The following FNDC3A variants were observed in gnomAD, a reference collection of about 807,000 sequenced individuals.
FNDC3A encodes the protein fibronectin type III domain containing 3A.
In FNDC3A, 32 loss-of-function variants were observed where a neutral mutation model predicts 148.9. The ratio of observed to expected loss-of-function variants is 0.21; its 90% CI spans 0.16 to 0.29. FNDC3A has a LOEUF of 0.29. Among genes scored for constraint, FNDC3A ranks in the 10% least tolerant of loss-of-function variants. The pLI, the probability that FNDC3A is intolerant of heterozygous loss-of-function variation, is 1.00. For synonymous variants in FNDC3A, 472 were observed against 473.6 expected (o/e 1.00, Z 0.04); for missense variants, 1,191 against 1,452.8 (o/e 0.82, Z 2.93).
chr13:49,030,923 A>G (rs1198644183), intron 2 of FNDC3A, among the ~76,000 whole-genome samples: 2 of 152,226 alleles, frequency 1.3e-5, no homozygotes, highest in African/African-American at 2.4e-5. Flanking sequence ...AAGGTGAAAT[A>G]CTGCCAAATT....
At chr13:49,162,436 GTGCCA>G (rs1332288582) in intron 8 of FNDC3A, among the ~76,000 whole-genome samples, 1 of 152,022 alleles carries the variant, frequency 6.6e-6, no homozygotes, top group East Asian at 1.9e-4. Flanking sequence ...CGTAGTTCTC[GTGCCA>G]TGGTTTTCAG....
intron 3 of FNDC3A, among the ~76,000 whole-genome samples, chr13:49,083,951 G>A (rs1184452619): frequency 6.6e-6 from 1 of 152,148 alleles, no homozygotes; most frequent in East Asian, 1.9e-4. Flanking sequence ...GTTCTCTTTA[G>A]TTACTTCTGG....
chr13:49,064,411 C>A (rs76419049), intron 2 of FNDC3A, among the ~76,000 whole-genome samples: 1,032 of 89,994 alleles, frequency 0.011, 10 homozygotes, highest in East Asian at 0.024. Context: ...GCCCCCCCCC[C>A]AAAAAAAAAA....
At chr13:49,055,679 A>G (rs570073605) in intron 2 of FNDC3A, among the ~76,000 whole-genome samples, 45 of 152,246 alleles carry the variant, frequency 3.0e-4, no homozygotes, top group African/African-American at 1.0e-3. Flanking sequence ...ATCTACATAT[A>G]ACCTGGAAGC....
intron 4 of FNDC3A, among the ~76,000 whole-genome samples, chr13:49,116,082 A>T (rs1287018083): frequency 1.3e-5 from 2 of 152,210 alleles, no homozygotes; most frequent in African/African-American, 2.4e-5. Context: ...TGATAAAAAG[A>T]TGATTAAGAC....
chr13:49,116,884 T>C (rs189493611), intron 4 of FNDC3A, among the ~76,000 whole-genome samples: 14 of 152,188 alleles, frequency 9.2e-5, no homozygotes, highest in Non-Finnish European at 1.2e-4. Context: ...GAGCCAAGTC[T>C]TGAAGGACAG....
At chr13:49,076,414 T>G (rs567536481) in intron 3 of FNDC3A, among the ~76,000 whole-genome samples, 1 of 152,064 alleles carries the variant, frequency 6.6e-6, no homozygotes, top group African/African-American at 2.4e-5. Context: ...CTGGCTAATT[T>G]TTGTACTTTT....
chr13:49,183,657 G>A (rs1336972746), intron 14 of FNDC3A, among the ~76,000 whole-genome samples: 1 of 152,166 alleles, frequency 6.6e-6, no homozygotes, highest in African/African-American at 2.4e-5. Flanking sequence ...GCACAACATT[G>A]AGAAGTGTTT....
intron 5 of FNDC3A, 32 bp downstream of exon 5, chr13:49,131,406 G>C (rs375105881): frequency 9.0e-6 from 13 of 1,437,276 alleles, no homozygotes; most frequent in African/African-American, 2.8e-5. Flanking sequence ...CACTGTTATT[G>C]AGTTGGATAT....
At chr13:49,138,861 T>C in intron 7 of FNDC3A, 56 bp downstream of exon 7, 2 of 928,816 alleles carry the variant, frequency 2.2e-6, no homozygotes, top group East Asian at 2.5e-5. Context: ...GCATAAGATG[T>C]TCATCCATCA....
intron 19 of FNDC3A, among the ~76,000 whole-genome samples, chr13:49,195,917 T>G (rs886143488): frequency 4.6e-5 from 7 of 151,018 alleles, no homozygotes; most frequent in African/African-American, 1.5e-4. Flanking sequence ...CTGTAAAAAG[T>G]AGAAAAATTA....
intron 3 of FNDC3A, among the ~76,000 whole-genome samples, chr13:49,089,671 T>C (rs754660652): frequency 3.0e-4 from 46 of 152,186 alleles, no homozygotes; most frequent in Non-Finnish European, 5.0e-4. Flanking sequence ...ATCACAAAAC[T>C]TAATTCTGCC....
chr13:49,020,284 G>A (rs1028528535), intron 2 of FNDC3A, among the ~76,000 whole-genome samples: 5 of 152,078 alleles, frequency 3.3e-5, no homozygotes, highest in African/African-American at 9.7e-5. Flanking sequence ...AATGATACAC[G>A]ATTTGAGAAA....
intron 8 of FNDC3A, among the ~76,000 whole-genome samples, chr13:49,160,076 T>A (rs1883994848): frequency 6.6e-6 from 1 of 152,198 alleles, no homozygotes; most frequent in Admixed American, 6.5e-5. Context: ...GGTCTAAAAT[T>A]CTCTTTTTTT....
intron 4 of FNDC3A, among the ~76,000 whole-genome samples, chr13:49,122,909 A>G (rs1234754613): frequency 1.3e-5 from 2 of 152,228 alleles, no homozygotes; most frequent in Non-Finnish European, 2.9e-5. Context: ...GTATTGTGAA[A>G]ATGGCCATAC....
intron 11 of FNDC3A, 113 bp from the exon 12 acceptor site, chr13:49,174,322 T>G (rs1318414751): frequency 5.3e-6 from 4 of 761,302 alleles, no homozygotes; most frequent in Non-Finnish European, 8.6e-6. Flanking sequence ...TCTCTTGAGA[T>G]CCATGACTTT....
At chr13:49,077,850 A>G (rs1288405132) in intron 3 of FNDC3A, among the ~76,000 whole-genome samples, 1 of 152,206 alleles carries the variant, frequency 6.6e-6, no homozygotes, top group African/African-American at 2.4e-5. Flanking sequence ...AGTTATGGCA[A>G]TTTCACAAAT....
intron 2 of FNDC3A, among the ~76,000 whole-genome samples, chr13:49,057,801 A>G (rs1449907503): frequency 2.0e-5 from 3 of 152,140 alleles, no homozygotes; most frequent in South Asian, 4.2e-4. Context: ...AGTCAATTCC[A>G]TTTTGTTTTA....
intron 16 of FNDC3A, among the ~76,000 whole-genome samples, 178 bp from the exon 17 acceptor site, chr13:49,188,337 G>T (rs1885696091): frequency 6.6e-6 from 1 of 152,166 alleles, no homozygotes; most frequent in Non-Finnish European, 1.5e-5. Context: ...GACTTGTCTA[G>T]GAAGCTGCAC....
Sources: allele counts gnomAD v4.1 joint callset (sites outside exome capture counted in the v4.1 genomes callset), GRCh38; gene constraint gnomAD v4.1.1; transcripts MANE v1.5; gene names NCBI Gene and HGNC (gene_info 2026-07-23, HGNC 2026-07-21).